The following ROBO2 variants were observed in gnomAD, a reference collection of about 807,000 sequenced individuals.
The protein encoded by ROBO2 is roundabout homolog 2.
A neutral mutation model predicts 160.8 loss-of-function variants in ROBO2; 53 were observed. The observed-to-expected ratio is 0.33, with a 90% confidence interval of 0.26 to 0.41. The LOEUF (loss-of-function observed/expected upper bound fraction) is 0.41. Among genes scored for constraint, ROBO2 ranks in the 10% least tolerant of loss-of-function variants. The pLI is 1.00. For missense variants in ROBO2, 1,577 were observed against 1,722.4 expected (o/e 0.92, Z 1.49); for synonymous variants, 664 against 611.7 (o/e 1.09, Z -1.26).
At chr3:77,211,914 G>A (rs1359773510) in intron 2 of ROBO2, among the ~76,000 whole-genome samples, 1 of 152,120 alleles carries the variant, frequency 6.6e-6, no homozygotes, top group African/African-American at 2.4e-5. Context: ...TGAGGGCTCT[G>A]TTCTGTTCCA....
At chr3:76,139,573 A>G (rs2071554091) in intron 2 of ROBO2, among the ~76,000 whole-genome samples, 1 of 151,964 alleles carries the variant, frequency 6.6e-6, no homozygotes, top group Admixed American at 6.6e-5. Flanking sequence ...GAGTTCTTAA[A>G]TTCATCTTCG....
chr3:76,187,642 GATTC>G (rs1489676947), intron 2 of ROBO2, among the ~76,000 whole-genome samples: 1 of 152,022 alleles, frequency 6.6e-6, no homozygotes, highest in Non-Finnish European at 1.5e-5. Context: ...ATAACAACAT[GATTC>G]ATTCATTTAT....
chr3:77,512,593 G>A (rs2089533974), intron 5 of ROBO2, among the ~76,000 whole-genome samples: 1 of 151,912 alleles, frequency 6.6e-6, no homozygotes, highest in African/African-American at 2.4e-5. Context: ...AGATGAATAA[G>A]TGATTTTCTC....
At chr3:77,610,189 CATA>C (rs2094601014) in intron 21 of ROBO2, among the ~76,000 whole-genome samples, 2 of 151,888 alleles carry the variant, frequency 1.3e-5, no homozygotes, top group African/African-American at 4.8e-5. Flanking sequence ...TTCTACTATT[CATA>C]ATATTAAGTA....
intron 2 of ROBO2, among the ~76,000 whole-genome samples, chr3:76,834,203 T>TTCTCTCTC (rs1171593185): frequency 6.7e-6 from 1 of 148,682 alleles, no homozygotes; most frequent in African/African-American, 2.5e-5. Context: ...CTTTCTTTCT[T>TTCTCTCTC]TCTTTCTTGT....
At chr3:77,166,724 A>T (rs1346254434) in intron 2 of ROBO2, among the ~76,000 whole-genome samples, 1 of 151,010 alleles carries the variant, frequency 6.6e-6, no homozygotes, top group Non-Finnish European at 1.5e-5. Context: ...CTCCCGGCTA[A>T]TTTTTTTTTG....
upstream of ROBO2, among the ~76,000 whole-genome samples, chr3:77,039,327 T>C (rs1294156668): frequency 1.3e-5 from 2 of 151,958 alleles, no homozygotes; most frequent in African/African-American, 4.8e-5. Context: ...AGGTGAAGAG[T>C]GAGTGAGTGT....
At chr3:76,711,638 A>G (rs1454970814) in intron 2 of ROBO2, among the ~76,000 whole-genome samples, 1 of 152,194 alleles carries the variant, frequency 6.6e-6, no homozygotes, top group Non-Finnish European at 1.5e-5. Flanking sequence ...ACAACAGAGT[A>G]GGGAAGCTTG....
intron 3 of ROBO2, among the ~76,000 whole-genome samples, chr3:77,480,570 A>T (rs964613494): frequency 1.7e-4 from 26 of 152,180 alleles, no homozygotes; most frequent in African/African-American, 5.5e-4. Context: ...TACAATTAAG[A>T]TGAAACAAAG....
At chr3:77,567,246 A>G (rs1319370695) in intron 12 of ROBO2, among the ~76,000 whole-genome samples, 4 of 152,072 alleles carry the variant, frequency 2.6e-5, no homozygotes, top group Non-Finnish European at 4.4e-5. Context: ...TGAGATAATA[A>G]GAAAAAACAG....
intron 2 of ROBO2, among the ~76,000 whole-genome samples, chr3:76,216,157 G>A (rs1001355619): frequency 2.6e-5 from 4 of 152,162 alleles, no homozygotes; most frequent in Non-Finnish European, 5.9e-5. Flanking sequence ...GCTCCTGAAG[G>A]AAGCACTAAA....
chr3:77,573,081 CTTTA>C (rs2093677918), intron 13 of ROBO2, among the ~76,000 whole-genome samples: 1 of 151,936 alleles, frequency 6.6e-6, no homozygotes, highest in Admixed American at 6.6e-5. Context: ...AATCTTTACA[CTTTA>C]TTTGATAGTG....
At chr3:76,796,511 A>AGAAG (rs144512442) in intron 2 of ROBO2, among the ~76,000 whole-genome samples, 12,418 of 144,474 alleles carry the variant, frequency 0.086, 691 homozygotes, top group Non-Finnish European at 0.12. Context: ...AAAGAAGGAA[A>AGAAG]GAAGGAAGGA....
chr3:77,106,361 A>G, intron 2 of ROBO2, among the ~76,000 whole-genome samples: 1 of 152,248 alleles, frequency 6.6e-6, no homozygotes, highest in East Asian at 1.9e-4. Flanking sequence ...TAAATTTTTA[A>G]TTTATTAAAT....
intron 2 of ROBO2, among the ~76,000 whole-genome samples, chr3:77,118,114 A>T (rs1026086149): frequency 1.3e-5 from 2 of 152,162 alleles, no homozygotes; most frequent in African/African-American, 4.8e-5. Flanking sequence ...GCCATTATTT[A>T]TTGTCAAAGA....
At chr3:76,998,239 G>A (rs1478678145) in intron 2 of ROBO2, among the ~76,000 whole-genome samples, 5 of 152,040 alleles carry the variant, frequency 3.3e-5, no homozygotes, top group African/African-American at 7.2e-5. Context: ...TGATACTTGC[G>A]TTCATCTATT....
At chr3:77,016,219 G>GC (rs1290341151) in intron 2 of ROBO2, among the ~76,000 whole-genome samples, 4 of 151,970 alleles carry the variant, frequency 2.6e-5, no homozygotes, top group Admixed American at 1.3e-4. Flanking sequence ...CTCATGATCC[G>GC]CCGCCTCGGC....
chr3:76,737,702 G>T, intron 2 of ROBO2, among the ~76,000 whole-genome samples: 1 of 152,176 alleles, frequency 6.6e-6, no homozygotes, highest in East Asian at 1.9e-4. Flanking sequence ...GAAACAACAA[G>T]AACTTCAACT....
intron 2 of ROBO2, among the ~76,000 whole-genome samples, chr3:76,203,262 C>T (rs1264478440): frequency 6.6e-6 from 1 of 152,116 alleles, no homozygotes; most frequent in Non-Finnish European, 1.5e-5. Context: ...AATGGAAAGC[C>T]ACAAAAAACT....
Sources: gnomAD v4.1 joint callset for allele counts (sites outside exome capture counted in the v4.1 genomes callset) on GRCh38, gnomAD v4.1.1 for gene constraint, MANE v1.5 for transcripts, NCBI Gene and HGNC (gene_info 2026-07-23, HGNC 2026-07-21) for gene names.